Variants in COX7A2L observed in about 807,000 individuals in gnomAD.
COX7A2L encodes the protein cytochrome c oxidase subunit 7A2-like, mitochondrial.
In COX7A2L, 18 loss-of-function variants were observed where a neutral mutation model predicts 14.2. The ratio of observed to expected loss-of-function variants is 1.27; its 90% confidence interval spans 0.88 to 1.88. COX7A2L has a LOEUF of 1.88. Among genes scored for constraint, COX7A2L ranks in the 40% most tolerant of loss-of-function variants. COX7A2L has a pLI of 0.00. For missense variants in COX7A2L, 179 were observed against 138.8 expected (o/e 1.29, Z -1.46); for synonymous variants, 65 against 57.4 (o/e 1.13, Z -0.60).
rs1421390412 is a variant in COX7A2L at position 42,339,580 on chromosome 2, C to T, written c.193-5711G>A. 1.3e-5 allele frequency among the ~76,000 whole-genome samples: 2 copies of T among 152,126 alleles called. No individual in the cohort carries two copies. The highest frequency in any genetic ancestry group is 2.9e-5 in the Non-Finnish European group (2 of 68,022). Reference sequence around the variant, plus strand: ...TCTTTCTTCCCTTCTGCCCTTCCTCCCTCCCTTTATCCCTCCCTCCTGCCT... The same window carrying T: ...TCTTTCTTCCCTTCTGCCCTTCCTCTCTCCCTTTATCCCTCCCTCCTGCCT... On this transcript the variant is annotated intron_variant, in intron 2 of 2. Transcript: ENST00000468711. The surrounding 1 kb of genome is among the most constrained non-coding windows in gnomAD (Gnocchi z 5.4).
In COX7A2L at chr2:42,338,598, G is replaced by A. The variant is rs904730727; in HGVS notation, c.193-4729C>T. Among the ~76,000 whole-genome samples the A allele has an allele frequency of 2.0e-5, 3 of 152,054 alleles. No homozygotes were observed. Among genetic ancestry groups the A allele is most frequent in the South Asian group, 2.1e-4 (1 of 4,820 alleles). On this transcript the variant is annotated intron_variant, in intron 2 of 2. Transcript: ENST00000468711. This position sits in a 1 kb window ranked among gnomAD's most constrained non-coding sequence, Gnocchi z 4.4. ...TTAATTATGAACCAAGAATCCCCCC[G>A]ATAGGACTCAGCCCCCACCAAGACC... is the stretch of plus-strand genomic sequence containing the variant.
At chr2:42,353,374 G>T in intron 1 of COX7A2L, 31 bp from the exon 2 acceptor site, 1 of 1,611,516 alleles carries the variant, frequency 6.2e-7, no homozygotes, top group Non-Finnish European at 8.5e-7. Context: ...ATGGCAAGTT[G>T]AAAGTATGTC....
chr2:42,346,798 G>T (rs978291233), downstream of COX7A2L, among the ~76,000 whole-genome samples: 2 of 151,756 alleles, frequency 1.3e-5, no homozygotes, highest in South Asian at 4.2e-4. Context: ...TATAATTAGT[G>T]ATGTTGAATA....
intron 2 of COX7A2L, among the ~76,000 whole-genome samples, chr2:42,336,107 G>A (rs1424893081): frequency 1.3e-5 from 2 of 152,166 alleles, no homozygotes; most frequent in African/African-American, 4.8e-5. Flanking sequence ...TGAGCTCAGC[G>A]TGGCAGCTTC....
chr2:42,340,513 C>G (rs149063429), intron 2 of COX7A2L, among the ~76,000 whole-genome samples: 146 of 152,310 alleles, frequency 9.6e-4, no homozygotes, highest in African/African-American at 3.4e-3. Context: ...GCTCACCAGC[C>G]AGAGTCCAGC....
At position 42,351,212 on chromosome 2, in the gene COX7A2L, G is replaced by A; in HGVS notation, c.*7C>T. ...CCAAAAAACAAACCAGTCCTCTGCA[G>A]CCTAACTCATTTGTTTTTGGGCTGC... On this transcript the variant is annotated 3_prime_UTR_variant, in exon 3 of 3. Transcript: ENST00000234301. The A allele has an allele frequency of 4.3e-6, 7 of 1,613,416 alleles. No individual in the cohort carries two copies. The highest frequency in any genetic ancestry group is 5.9e-6 in the Non-Finnish European group (7 of 1,179,660).
intron 1 of COX7A2L, among the ~76,000 whole-genome samples, chr2:42,360,725 C>A (rs1049825039): frequency 5.0e-5 from 6 of 119,940 alleles, no homozygotes; most frequent in African/African-American, 1.9e-4. Flanking sequence ...TGACAAACGA[C>A]AAGGAGGCCG....
At chr2:42,347,982 C>T (rs1215192504), downstream of COX7A2L, among the ~76,000 whole-genome samples, 1 of 152,054 alleles carries the variant, frequency 6.6e-6, no homozygotes, top group African/African-American at 2.4e-5. Context: ...ACAGAGGAAA[C>T]TGAGGTAAGG....
chr2:42,340,851 T>A (rs1670389748), intron 2 of COX7A2L, among the ~76,000 whole-genome samples: 1 of 152,140 alleles, frequency 6.6e-6, no homozygotes, highest in Non-Finnish European at 1.5e-5. Flanking sequence ...TTTCTCCATG[T>A]CTCCACTGCG....
At chr2:42,355,982 T>C (rs1446376704) in intron 1 of COX7A2L, among the ~76,000 whole-genome samples, 1 of 152,172 alleles carries the variant, frequency 6.6e-6, no homozygotes, top group African/African-American at 2.4e-5. Context: ...AACCTTGGCC[T>C]CCCAAAGTGC....
At chr2:42,341,086 A>C (rs1171927314) in intron 2 of COX7A2L, among the ~76,000 whole-genome samples, 1 of 152,182 alleles carries the variant, frequency 6.6e-6, no homozygotes, top group Non-Finnish European at 1.5e-5. Flanking sequence ...TAATCAATGG[A>C]GAAAACAAAC....
In COX7A2L at chr2:42,342,083, C is replaced by T. The variant is rs1670413781; in HGVS notation, c.193-8214G>A. 6.6e-6 allele frequency among the ~76,000 whole-genome samples: 1 copy of T among 152,142 alleles called. No individual in the cohort carries two copies. Among genetic ancestry groups the T allele is most frequent in the African/African-American group, 2.4e-5 (1 of 41,412 alleles). ...ACTGATTCTAGAGCATCTGACCTTCCCCACCCTCTCTAGTGGCGAGGCACT... is the reference window on the plus strand; with the variant it reads ...ACTGATTCTAGAGCATCTGACCTTCTCCACCCTCTCTAGTGGCGAGGCACT... On this transcript the variant is annotated intron_variant, in intron 2 of 2. Coordinates refer to the COX7A2L transcript ENST00000468711. This position sits in a 1 kb window ranked among gnomAD's most constrained non-coding sequence, Gnocchi z 4.9.
chr2:42,359,024 T>C (rs1310431589), intron 1 of COX7A2L: 1 of 152,184 alleles, frequency 6.6e-6, no homozygotes, highest in Admixed American at 6.5e-5. Context: ...GAATAAACTG[T>C]GATATATTTA....
intron 2 of COX7A2L, among the ~76,000 whole-genome samples, chr2:42,341,987 A>G (rs1263413081): frequency 2.0e-5 from 3 of 152,204 alleles, no homozygotes; most frequent in Non-Finnish European, 2.9e-5. Context: ...GCCACATAAC[A>G]TGGAGGCTTT....
intron 1 of COX7A2L, among the ~76,000 whole-genome samples, chr2:42,366,566 T>C (rs541239244): frequency 1.3e-5 from 2 of 152,276 alleles, no homozygotes; most frequent in East Asian, 3.9e-4. Flanking sequence ...AACAGGGTGA[T>C]TGCAAAGATT....
downstream of COX7A2L, among the ~76,000 whole-genome samples, chr2:42,348,230 A>G (rs1670536155): frequency 6.6e-6 from 1 of 152,270 alleles, no homozygotes; most frequent in Non-Finnish European, 1.5e-5. Context: ...ATCAGTTTAC[A>G]ACTACCTTAG....
At chr2:42,361,322 C>G, upstream of COX7A2L, 1 of 628,518 alleles carries the variant, frequency 1.6e-6, no homozygotes, top group Non-Finnish European at 2.7e-6. Flanking sequence ...ACTTAAGCCG[C>G]ATTGGGGAAC....
chr2:42,344,505 C>T (rs1670458043), downstream of COX7A2L, among the ~76,000 whole-genome samples: 2 of 152,202 alleles, frequency 1.3e-5, no homozygotes, highest in Non-Finnish European at 2.9e-5. Flanking sequence ...TGAATTATTA[C>T]AATTACTATT....
rs926697241 is a variant in COX7A2L, at chr2:42,339,620, CTTATTT to C, written c.193-5757_193-5752del. On this transcript the variant is annotated intron_variant, in intron 2 of 2. Transcript: ENST00000468711. The surrounding 1 kb of genome is among the most constrained non-coding windows in gnomAD (Gnocchi z 5.4). ...CCCTCCTGCCTTGCTTTCCTCCTTT[CTTATTT>C]TTAACACTTTTTAAATTTATTACTT... Among the ~76,000 whole-genome samples the C allele has an allele frequency of 2.0e-5, 3 of 152,164 alleles. No individual in the cohort carries two copies. Among genetic ancestry groups the C allele is most frequent in the East Asian group, 2.0e-4 (1 of 5,128 alleles).
Sources: allele counts gnomAD v4.1 joint callset (sites outside exome capture counted in the v4.1 genomes callset), GRCh38; gene constraint gnomAD v4.1.1; non-coding constraint Gnocchi (gnomAD v3.1); transcripts MANE v1.5; gene names NCBI Gene and HGNC (gene_info 2026-07-23, HGNC 2026-07-21).